AAMP: variants seen among roughly 807,000 people sequenced by gnomAD.
The protein encoded by AAMP is angio associated migratory cell protein.
In AAMP, 12 loss-of-function variants were observed where a neutral mutation model predicts 51.1. The ratio of observed to expected loss-of-function variants is 0.23; its 90% CI spans 0.15 to 0.38. AAMP has a LOEUF of 0.38. Among genes scored for constraint, AAMP ranks in the 10% least tolerant of loss-of-function variants. The probability of loss-of-function intolerance (pLI) is 1.00; values close to 1 mark genes in which losing one functional copy is unlikely to be tolerated. For missense variants in AAMP, 418 were observed against 557.2 expected (o/e 0.75, Z 2.52); for synonymous variants, 210 against 218.7 (o/e 0.96, Z 0.35).
chr2:218,265,506 C>CA lies in AAMP; in HGVS notation c.984-46dup. 1 of 1,568,478 alleles carries CA rather than the reference C, an allele frequency of 6.4e-7. No homozygotes were observed. The highest frequency in any genetic ancestry group is 8.8e-7 in the Non-Finnish European group (1 of 1,142,346). ...ATGAAGACTCATGAGGGCCTGGACT[C>CA]ACACGCCCTGCCGTCCTCCCGGGCC... On this transcript the variant is annotated intron_variant, in intron 8 of 10. Coordinates refer to ENST00000248450, the MANE Select transcript of AAMP (RefSeq NM_001087.5). This position sits in a 1 kb window ranked among gnomAD's most constrained non-coding sequence, Gnocchi z 6.6.
At position 218,264,616 on chromosome 2, in the gene AAMP, C is replaced by T; in HGVS notation, c.1230-8G>A. ...ACCACCAGGGAGGCATCTCTGTAAA[C>T]AGAAAGCATGTGATTGCAGAGACTG... On this transcript the variant is annotated splice_polypyrimidine_tract_variant and splice_region_variant and intron_variant, in intron 10 of 10. Transcript: ENST00000248450. 1 of 1,613,838 alleles carries T rather than the reference C, an allele frequency of 6.2e-7. No homozygotes were observed. The highest frequency in any genetic ancestry group is 8.5e-7 in the Non-Finnish European group (1 of 1,179,696).
At position 218,265,690 on chromosome 2, in the gene AAMP, C is replaced by A. The variant is rs371630534; in HGVS notation, c.880-8G>T. 4 of 1,611,306 alleles carry A rather than the reference C, an allele frequency of 2.5e-6. No individual in the cohort carries two copies. Among genetic ancestry groups the A allele is most frequent in the Non-Finnish European group, 3.4e-6 (4 of 1,179,218 alleles). ...TCTAAAAACACCCACCACCTGAAAG[C>A]CAGAGAGGATCAGAGGAGGACACGG... On this transcript the variant is annotated splice_region_variant and splice_polypyrimidine_tract_variant and intron_variant, in intron 7 of 10. Coordinates refer to ENST00000248450, the MANE Select transcript of AAMP (RefSeq NM_001087.5). This position sits in a 1 kb window ranked among gnomAD's most constrained non-coding sequence, Gnocchi z 6.6.
rs147745631 is a variant in AAMP at position 218,267,867 on chromosome 2, G to C, written c.275-254C>G. On this transcript the variant is annotated intron_variant, in intron 2 of 10. Coordinates refer to ENST00000248450, the MANE Select transcript of AAMP (RefSeq NM_001087.5). This position sits in a 1 kb window ranked among gnomAD's most constrained non-coding sequence, Gnocchi z 4.6. ...GTCACCACCCAACACCAATGCCATGGACAAGAGGTGGGGACAGGTGCAGGG... is the reference window on the plus strand; with the variant it reads ...GTCACCACCCAACACCAATGCCATGCACAAGAGGTGGGGACAGGTGCAGGG... Among the ~76,000 whole-genome samples the C allele has an allele frequency of 1.5e-3, 235 of 152,324 alleles. No homozygotes were observed. Among genetic ancestry groups the C allele is most frequent in the African/African-American group, 5.4e-3 (223 of 41,572 alleles).
chr2:218,264,688 G>A lies in AAMP; in HGVS notation c.1230-80C>T. On this transcript the variant is annotated intron_variant, in intron 10 of 10. Coordinates refer to ENST00000248450, the MANE Select transcript of AAMP (RefSeq NM_001087.5). ...AGGGGCCCTAGGGTGGGCTCCTCCA[G>A]CACACCCTCAGTTCTAGGGCCCTAG... 6 of 1,263,486 alleles carry A rather than the reference G, an allele frequency of 4.7e-6. 1 individual carries two copies. The South Asian group carries it at 4.8e-5, about 10-fold the overall frequency. 78.3% of individuals were successfully genotyped at this position (1,263,486 alleles called of 1,614,324 possible).
rs776289331 is a variant in AAMP, at chr2:218,265,159, G to A, written c.1090C>T (p.Leu364=). The A allele has an allele frequency of 9.4e-6, 15 of 1,590,522 alleles. No homozygotes were observed. In the East Asian group the frequency reaches 2.9e-4, roughly 31 times the overall value. ...QCQHQSGIVQ[L]LWEAGTAVVY... Reference sequence around the variant, plus strand: ...ACGGCAGTGCCTGCCTCCCACAGCAGCTGCACGATGCCCGACTGCCCCGAG... The same window carrying A: ...ACGGCAGTGCCTGCCTCCCACAGCAACTGCACGATGCCCGACTGCCCCGAG... Residue 364 remains leucine (L), a synonymous_variant, in exon 10 of 11, where the codon CTG becomes TTG. Coordinates refer to ENST00000248450, the MANE Select transcript of AAMP (RefSeq NM_001087.5). This position sits in a 1 kb window ranked among gnomAD's most constrained non-coding sequence, Gnocchi z 6.6.
Position 218,265,909 on chromosome 2 carries a change from A to G in AAMP, c.801T>C (p.Ala267=). Residue 267 remains alanine (A), a synonymous_variant, in exon 7 of 11, where the codon GCT becomes GCC. Coordinates refer to ENST00000248450, the MANE Select transcript of AAMP (RefSeq NM_001087.5). This position sits in a 1 kb window ranked among gnomAD's most constrained non-coding sequence, Gnocchi z 6.6. ...EGHQGPLTCV[A]ANQDGSLILT... ...GGATCAAGCTGCCATCCTGGTTGGC[A>G]GCAACACAGGTGAGTGGGCCCTGGT... The G allele has an allele frequency of 1.2e-6, 2 of 1,614,038 alleles. No homozygotes were observed. Among genetic ancestry groups the G allele is most frequent in the Non-Finnish European group, 8.5e-7 (1 of 1,179,980 alleles).
In AAMP at chr2:218,266,549, C is replaced by T. The variant is rs371593402; in HGVS notation, c.573G>A (p.Ala191=). Residue 191 remains alanine (A), a synonymous_variant, in exon 5 of 11, where the codon GCG becomes GCA. Transcript: ENST00000248450. This position sits in a 1 kb window ranked among gnomAD's most constrained non-coding sequence, Gnocchi z 4.7. The part of the protein sequence containing the change: ...EWHPRAPVLL[A]GTADGNTWMW... ...TCCAGGTGTTGCCGTCAGCTGTGCC[C>T]GCCAACAGGACAGGTGCCCGAGGAT... 3 of 1,613,630 alleles carry T rather than the reference C, an allele frequency of 1.9e-6. No homozygotes were observed. The highest frequency in any genetic ancestry group is 2.5e-6 in the Non-Finnish European group (3 of 1,179,956).
chr2:218,270,081 C>A lies in AAMP; in HGVS notation c.6G>T (p.Glu2Asp). The A allele has an allele frequency of 6.2e-7, 1 of 1,613,928 alleles. No individual in the cohort carries two copies. The highest frequency in any genetic ancestry group is 8.5e-7 in the Non-Finnish European group (1 of 1,179,928). The change falls in exon 1 of 11, where the codon GAG becomes GAT. Residue 2 changes from glutamate (E) to aspartate (D), a missense_variant. Coordinates refer to ENST00000248450, the MANE Select transcript of AAMP (RefSeq NM_001087.5). M[E>D]SESESGAAAD... The stretch of plus-strand genomic sequence containing the variant: ...CAGCAGCCCCGCTTTCCGATTCGGA[C>A]TCCATGCGGCGCAAGCGGCGGATCC...
At chr2:218,269,652 G>T in intron 1 of AAMP, 118 bp from the exon 2 acceptor site, 1 of 1,547,650 alleles carries the variant, frequency 6.5e-7, no homozygotes. Flanking sequence ...GGTGGAGTCA[G>T]ACACACCGGG....
At chr2:218,268,364 A>G (rs1038827101) in intron 2 of AAMP, among the ~76,000 whole-genome samples, 2 of 151,458 alleles carry the variant, frequency 1.3e-5, no homozygotes, top group African/African-American at 4.9e-5. Flanking sequence ...TTTGAGATGG[A>G]ATCTTGCTCT....
intron 10 of AAMP, 96 bp from the exon 11 acceptor site, chr2:218,264,704 AG>A (rs1161353310): frequency 8.0e-6 from 9 of 1,127,526 alleles, no homozygotes; most frequent in Non-Finnish European, 1.2e-5. Context: ...CCTCAGTTCT[AG>A]GGCCCTAGTG....
intron 2 of AAMP, among the ~76,000 whole-genome samples, 183 bp downstream of exon 2, chr2:218,269,199 C>T (rs1161818475): frequency 6.6e-6 from 1 of 152,198 alleles, no homozygotes; most frequent in African/African-American, 2.4e-5. Context: ...GAGGGTGTCT[C>T]GACTGATGCC....
Position 218,265,804 on chromosome 2 carries a change from C to A in AAMP, c.879+27G>T, listed in dbSNP as rs747395863. ...AGGAGAGGAGTCGGGAAAGCGGAGG[C>A]CCCAGCCGGGCTCCAGGTCCACTCA... On this transcript the variant is annotated intron_variant, in intron 7 of 10. Transcript: ENST00000248450. The surrounding 1 kb of genome is among the most constrained non-coding windows in gnomAD (Gnocchi z 6.6). The A allele has an allele frequency of 1.3e-6, 2 of 1,598,532 alleles. No homozygotes were observed. Among genetic ancestry groups the A allele is most frequent in the Non-Finnish European group, 1.7e-6 (2 of 1,168,332 alleles).
At chr2:218,269,659 C>A in intron 1 of AAMP, 125 bp from the exon 2 acceptor site, 1 of 1,502,220 alleles carries the variant, frequency 6.7e-7, no homozygotes. Flanking sequence ...TCAGACACAC[C>A]GGGGTCCGCG....
rs757475022 is a variant in AAMP, at chr2:218,265,185, G to A, written c.1075-11C>T. On this transcript the variant is annotated splice_polypyrimidine_tract_variant and intron_variant, in intron 9 of 10. Transcript: ENST00000248450. The surrounding 1 kb of genome is among the most constrained non-coding windows in gnomAD (Gnocchi z 6.6). Reference sequence around the variant, plus strand: ...CTGCACGATGCCCGACTGCCCCGAGGAATGACAGAGGCAGGGCGGAGGTTG... The same window carrying A: ...CTGCACGATGCCCGACTGCCCCGAGAAATGACAGAGGCAGGGCGGAGGTTG... 1.1e-5 allele frequency: 18 copies of A among 1,576,162 alleles called. No homozygotes were observed. The highest frequency in any genetic ancestry group is 1.2e-5 in the Non-Finnish European group (14 of 1,160,882).
At position 218,265,035 on chromosome 2, in the gene AAMP, TC is replaced by T; in HGVS notation, c.1213del (p.Asp405ThrfsTer12). The T allele has an allele frequency of 6.2e-7, 1 of 1,613,780 alleles. No individual in the cohort carries two copies. The highest frequency in any genetic ancestry group is 8.5e-7 in the Non-Finnish European group (1 of 1,180,002). ...ATTCACTTACTTGCTGAGGGCAAAG[TC>T]CAGGATCTCAGCCGTGTGGCCCCGG... ...DYRGHTAEIL[D>X]FALSKDASLV... On this transcript the variant is annotated frameshift_variant, in exon 10 of 11. Coordinates refer to ENST00000248450, the MANE Select transcript of AAMP (RefSeq NM_001087.5). LOFTEE classifies it high-confidence loss of function. This position sits in a 1 kb window ranked among gnomAD's most constrained non-coding sequence, Gnocchi z 6.6.
chr2:218,264,239 T>A lies in AAMP; in HGVS notation c.*294A>T, dbSNP rs960061828. Reference sequence around the variant, plus strand: ...AAGAACGGGAACCTCAAACACCTACTCCCCACATACAAATACACACCCCAT... The same window carrying A: ...AAGAACGGGAACCTCAAACACCTACACCCCACATACAAATACACACCCCAT... On this transcript the variant is annotated 3_prime_UTR_variant, in exon 11 of 11. Coordinates refer to ENST00000248450, the MANE Select transcript of AAMP (RefSeq NM_001087.5). 1 of 441,024 alleles carries A rather than the reference T, an allele frequency of 2.3e-6. No homozygotes were observed. The highest frequency in any genetic ancestry group is 4.1e-6 in the Non-Finnish European group (1 of 245,720). 27.3% of individuals were successfully genotyped at this position (441,024 alleles called of 1,614,324 possible).
At chr2:218,269,731 G>T in intron 1 of AAMP, 197 bp from the exon 2 acceptor site, 2 of 1,057,416 alleles carry the variant, frequency 1.9e-6, no homozygotes, top group Non-Finnish European at 2.7e-6. Context: ...GTAAGGGAGG[G>T]CCAAGGGGAT....
In AAMP at chr2:218,266,063, C is replaced by G; in HGVS notation, c.763+1G>C. On this transcript the variant is annotated splice_donor_variant, in intron 6 of 10. Transcript: ENST00000248450. LOFTEE classifies it high-confidence loss of function. This position sits in a 1 kb window ranked among gnomAD's most constrained non-coding sequence, Gnocchi z 4.7. ...GCTAACACTTCCCCCACCTCTGATA[C>G]CTTTCAGTACATGGATAGGGCTTCC... 1 of 1,614,094 alleles carries G rather than the reference C, an allele frequency of 6.2e-7. No homozygotes were observed.
Sources: gnomAD v4.1 joint callset for allele counts (sites outside exome capture counted in the v4.1 genomes callset) on GRCh38, gnomAD v4.1.1 for gene constraint, Gnocchi (gnomAD v3.1) non-coding constraint, MANE v1.5 for transcripts, NCBI Gene and HGNC (gene_info 2026-07-23, HGNC 2026-07-21) for gene names.